Variants in THBS1 observed in about 807,000 individuals in gnomAD.
The protein encoded by THBS1 is thrombospondin-1.
THBS1 carries 29 observed loss-of-function variants against 126.1 expected under a neutral mutation model. That is an observed-to-expected ratio of 0.23 (90% confidence interval 0.17 to 0.31). The LOEUF (loss-of-function observed/expected upper bound fraction) is 0.31, where lower values mean the gene tolerates loss of function less well. Among genes scored for constraint, THBS1 ranks in the 10% least tolerant of loss-of-function variants. The probability of loss-of-function intolerance (pLI) is 1.00; values close to 1 mark genes in which losing one functional copy is unlikely to be tolerated. For synonymous variants in THBS1, 496 were observed against 577.8 expected (o/e 0.86, Z 2.03); for missense variants, 1,198 against 1,545.2 (o/e 0.78, Z 3.77).
rs749079105 is a variant in THBS1 at position 39,599,249 on chromosome 15, C to T, written c.*3880C>T. The T allele has an allele frequency of 6.6e-6, 1 of 152,170 alleles. No homozygotes were observed. Among genetic ancestry groups the T allele is most frequent in the Non-Finnish European group, 1.5e-5 (1 of 68,022 alleles). The allele number at this position is 152,170 out of a possible 1,614,324, so 9.4% of individuals were successfully genotyped here. A position where few individuals can be genotyped will look rare whatever the true frequency, so the allele number is the denominator to read the frequency against. On this transcript the variant is annotated 3_prime_UTR_variant, in exon 22 of 22. Transcript: ENST00000260356. ...AATCCGGAAGCTTTTTGTTGAATTA[C>T]GTTACAGACTTAGTTACCAGTCCTT...
Position 39,584,149 on chromosome 15 carries a change from A to G in THBS1, c.865A>G (p.Thr289Ala). ...GGTCCTGGAACTCAGGGGCCTGCGC[A>G]CCATTGTGACCACGCTGCAGGACAG... ...SMVLELRGLR[T>A]IVTTLQDSIR... is the part of the protein sequence containing the mutation. The change falls in exon 5 of 22, where the codon ACC (threonine) becomes GCC (alanine). Residue 289 changes from threonine (T) to alanine (A), a missense_variant. Thr to Ala is a moderately conservative substitution (Grantham distance 58, BLOSUM62 0). Coordinates refer to ENST00000260356, the MANE Select transcript of THBS1 (RefSeq NM_003246.4). 9 of 1,614,172 alleles carry G rather than the reference A, an allele frequency of 5.6e-6. No homozygotes were observed. The highest frequency in any genetic ancestry group is 7.6e-6 in the Non-Finnish European group (9 of 1,180,026).
At position 39,585,315 on chromosome 15, in the gene THBS1, G is replaced by A. The variant is rs539903960; in HGVS notation, c.1027-155G>A. Reference sequence around the variant, plus strand: ...AACTGTCTCTACGATAGTGGTGGCTGCAAATATGACAGAGACAGATCTATG... The same window carrying A: ...AACTGTCTCTACGATAGTGGTGGCTACAAATATGACAGAGACAGATCTATG... On this transcript the variant is annotated intron_variant, in intron 6 of 21. Transcript: ENST00000260356. Among the ~76,000 whole-genome samples the A allele has an allele frequency of 2.6e-5, 4 of 152,332 alleles. No homozygotes were observed. In the East Asian group the frequency reaches 7.7e-4, roughly 29 times the overall value.
Position 39,581,824 on chromosome 15 carries a change from T to C in THBS1, c.-29-5T>C, listed in dbSNP as rs748576038. 4 of 1,604,758 alleles carry C rather than the reference T, an allele frequency of 2.5e-6. No homozygotes were observed. In the Admixed American group the frequency reaches 6.7e-5, roughly 27 times the overall value. On this transcript the variant is annotated splice_polypyrimidine_tract_variant and splice_region_variant and intron_variant, in intron 1 of 21. Coordinates refer to ENST00000260356, the MANE Select transcript of THBS1 (RefSeq NM_003246.4). ...GACCCTCGGCTCTTGTGCTTCCTGC[T>C]ACAGGATCCCTGCTGGGCACCAACA...
At chr15:39,582,126 A>T (rs1006477688) in intron 2 of THBS1, 67 bp from the exon 3 acceptor site, 2 of 1,511,370 alleles carry the variant, frequency 1.3e-6, no homozygotes, top group African/African-American at 1.4e-5. Context: ...TCCACCCCTA[A>T]GGACTCAGCC....
intron 7 of THBS1, among the ~76,000 whole-genome samples, chr15:39,586,305 A>G (rs952965252): frequency 6.6e-6 from 1 of 152,180 alleles, no homozygotes; most frequent in African/African-American, 2.4e-5. Context: ...TATTAGCGAT[A>G]TTGGCACTGT....
intron 2 of THBS1, 37 bp downstream of exon 2, chr15:39,581,961 A>G (rs1204061909): frequency 4.3e-6 from 7 of 1,609,294 alleles, no homozygotes; most frequent in Non-Finnish European, 6.0e-6. Context: ...AAGGAGGGAC[A>G]AGGAAGAGGT....
rs1890249581 is a variant in THBS1 at position 39,588,279 on chromosome 15, T to A, written c.1471+61T>A. On this transcript the variant is annotated intron_variant, in intron 9 of 21. Transcript: ENST00000260356. ...CAGCAGCTCTGCCCAGCTGGTTGCC[T>A]GGCATCTGCAGCCTGCAGTTCAGTG... 5 of 1,564,098 alleles carry A rather than the reference T, an allele frequency of 3.2e-6. No individual in the cohort carries two copies. In the Admixed American group the frequency reaches 9.2e-5, roughly 29 times the overall value.
In THBS1 at chr15:39,582,983, G is replaced by T. The variant is rs148004495; in HGVS notation, c.627+231G>T. ...ACAAGTACCAGGTGATGCTGATGCCGGTGGTCTGGGAAGCACACTTTGAAA... is the reference window on the plus strand; with the variant it reads ...ACAAGTACCAGGTGATGCTGATGCCTGTGGTCTGGGAAGCACACTTTGAAA... On this transcript the variant is annotated intron_variant, in intron 3 of 21. Coordinates refer to ENST00000260356, the MANE Select transcript of THBS1 (RefSeq NM_003246.4). 8.5e-5 allele frequency among the ~76,000 whole-genome samples: 13 copies of T among 152,314 alleles called. No individual in the cohort carries two copies. The East Asian group carries it at 2.3e-3, about 27-fold the overall frequency.
At position 39,596,865 on chromosome 15, in the gene THBS1, G is replaced by A. The variant is rs1244368843; in HGVS notation, c.*1496G>A. 1 of 152,094 alleles carries A rather than the reference G, an allele frequency of 6.6e-6. No homozygotes were observed. The highest frequency in any genetic ancestry group is 1.5e-5 in the Non-Finnish European group (1 of 68,004). The allele number at this position is 152,094 out of a possible 1,614,324, so 9.4% of individuals were successfully genotyped here. The stretch of plus-strand genomic sequence containing the variant: ...TCCAAAAGAGAAAAAAATGACAAAA[G>A]GTGAAACTTACATACAAATATTACC... On this transcript the variant is annotated 3_prime_UTR_variant, in exon 22 of 22. Transcript: ENST00000260356.
chr15:39,593,480 TTTGGC>T lies in THBS1; in HGVS notation c.3081_3085del (p.Phe1027LeufsTer68). The T allele has an allele frequency of 1.2e-6, 2 of 1,614,190 alleles. No homozygotes were observed. Among genetic ancestry groups the T allele is most frequent in the Non-Finnish European group, 1.7e-6 (2 of 1,180,020 alleles). ...GGACGATGACTATGCTGGATTTGTC[TTTGGC>T]TACCAGTCCAGCAGCCGCTTTTATG... On this transcript the variant is annotated frameshift_variant, in exon 19 of 22. Transcript: ENST00000260356. LOFTEE classifies it high-confidence loss of function. The surrounding 1 kb of genome is among the most constrained non-coding windows in gnomAD (Gnocchi z 5.9).
rs144105008 is a variant in THBS1 at position 39,589,928 on chromosome 15, G to A, written c.2050G>A (p.Gly684Ser). The A allele has an allele frequency of 3.1e-6, 5 of 1,614,146 alleles. No individual in the cohort carries two copies. Among genetic ancestry groups the A allele is most frequent in the Non-Finnish European group, 4.2e-6 (5 of 1,180,020 alleles). The change falls in exon 13 of 22, where the codon GGC (glycine) becomes AGC (serine). Residue 684 changes from glycine (G) to serine (S), a missense_variant. Gly to Ser is a moderately conservative substitution (Grantham distance 56). Transcript: ENST00000260356. This position sits in a 1 kb window ranked among gnomAD's most constrained non-coding sequence, Gnocchi z 4.7. ...YRCECKPGYA[G>S]NGIICGEDTD... ...CTGCGAGTGCAAGCCTGGCTACGCT[G>A]GCAATGGCATCATCTGCGGGGAGGA...
chr15:39,588,109 TG>T lies in THBS1; in HGVS notation c.1363del (p.Val455Ter). On this transcript the variant is annotated frameshift_variant, in exon 9 of 22. Coordinates refer to ENST00000260356, the MANE Select transcript of THBS1 (RefSeq NM_003246.4). LOFTEE classifies it high-confidence loss of function. ...CTTGTTCTGTGACATGTGGTGATGG[TG>T]TGATCACAAGGATCCGGCTCTGCAA... ...SSCSVTCGDG[V>X]ITRIRLCNSP... The T allele has an allele frequency of 6.2e-7, 1 of 1,614,200 alleles. No homozygotes were observed.
intron 9 of THBS1, 105 bp downstream of exon 9, chr15:39,588,323 T>C: frequency 7.1e-7 from 1 of 1,405,912 alleles, no homozygotes; most frequent in Non-Finnish European, 9.5e-7. Flanking sequence ...AGCAGGAAGG[T>C]TACCTACTAG....
rs1396866260 is a variant in THBS1 at position 39,587,489 on chromosome 15, G to A, written c.1263G>A (p.Arg421=). Residue 421 remains arginine, a synonymous_variant, in exon 8 of 22, where the codon CGG becomes CGA. Coordinates refer to ENST00000260356, the MANE Select transcript of THBS1 (RefSeq NM_003246.4). ...GTGAGGGCTCCTCGGTCCAGACACG[G>A]ACCTGCCACATTCAGGAGTGTGACA... The part of the protein sequence containing the change: ...NRCEGSSVQT[R]TCHIQECDKR... 6.2e-7 allele frequency: 1 copy of A among 1,612,966 alleles called. No individual in the cohort carries two copies. Among genetic ancestry groups the A allele is most frequent in the African/African-American group, 1.3e-5 (1 of 75,042 alleles).
chr15:39,595,301 G>A (rs2140352302), intron 21 of THBS1, 61 bp from the exon 22 acceptor site: 1 of 1,059,582 alleles, frequency 9.4e-7, no homozygotes, highest in Non-Finnish European at 1.3e-6. Context: ...TAACTAAGAT[G>A]TCTATGCTTT....
At chr15:39,587,974 C>T (rs1049819984) in intron 8 of THBS1, 68 bp from the exon 9 acceptor site, 9 of 1,499,292 alleles carry the variant, frequency 6.0e-6, no homozygotes, top group Non-Finnish European at 6.4e-6. Flanking sequence ...CTGCGTGCTC[C>T]TGATGGGAGC....
chr15:39,585,403 C>G, intron 6 of THBS1, 67 bp from the exon 7 acceptor site: 1 of 1,433,430 alleles, frequency 7.0e-7, no homozygotes, highest in Non-Finnish European at 9.8e-7. Flanking sequence ...GGAAATGTTA[C>G]AGGATGTAGA....
At chr15:39,585,380 T>G in intron 6 of THBS1, 90 bp from the exon 7 acceptor site, 1 of 1,187,504 alleles carries the variant, frequency 8.4e-7, no homozygotes, top group South Asian at 1.3e-5. Flanking sequence ...CTGACCATGT[T>G]TTGGCTTGTA....
rs1234230235 is a variant in THBS1 at position 39,592,485 on chromosome 15, T to A, written c.2533-83T>A. The A allele has an allele frequency of 8.6e-7, 1 of 1,162,140 alleles. No individual in the cohort carries two copies. Among genetic ancestry groups the A allele is most frequent in the Non-Finnish European group, 1.2e-6 (1 of 819,660 alleles). The allele number at this position is 1,162,140 out of a possible 1,614,324, so 72.0% of individuals were successfully genotyped here. ...CTGGCTGTATCAAACAATGGAGAAT[T>A]TTCCCTGTGGTGGGGGCATAAGTTA... On this transcript the variant is annotated intron_variant, in intron 16 of 21. Transcript: ENST00000260356. The surrounding 1 kb of genome is among the most constrained non-coding windows in gnomAD (Gnocchi z 4.3).
Sources: allele counts gnomAD v4.1 joint callset (sites outside exome capture counted in the v4.1 genomes callset), GRCh38; gene constraint gnomAD v4.1.1; non-coding constraint Gnocchi (gnomAD v3.1); transcripts MANE v1.5; gene names NCBI Gene and HGNC (gene_info 2026-07-23, HGNC 2026-07-21).